The following TFDP2 variants were observed in gnomAD, a reference collection of about 807,000 sequenced individuals.
TFDP2 encodes the protein transcription factor Dp-2.
A neutral mutation model predicts 59.3 loss-of-function variants in TFDP2; 17 were observed. The observed-to-expected ratio is 0.29, with a 90% CI of 0.20 to 0.43. The LOEUF is 0.43. TFDP2 is among the 20% of genes least tolerant of loss of function. TFDP2 has a pLI of 1.00. For missense variants in TFDP2, 391 were observed against 528.8 expected (o/e 0.74, Z 2.56); for synonymous variants, 180 against 194.7 (o/e 0.92, Z 0.63).
At chr3:142,033,103 G>A (rs1032270484) in intron 3 of TFDP2, among the ~76,000 whole-genome samples, 1 of 152,136 alleles carries the variant, frequency 6.6e-6, no homozygotes, top group Non-Finnish European at 1.5e-5. Context: ...CCTGAGGCAG[G>A]AGAATCACTT....
At chr3:142,074,271 T>C (rs1253254743) in intron 3 of TFDP2, among the ~76,000 whole-genome samples, 2 of 151,942 alleles carry the variant, frequency 1.3e-5, no homozygotes, top group Admixed American at 6.6e-5. Flanking sequence ...TAGCCAGGCA[T>C]GGTGGCACAC....
chr3:142,046,870 G>C (rs1947367227), intron 3 of TFDP2, among the ~76,000 whole-genome samples: 2 of 152,196 alleles, frequency 1.3e-5, no homozygotes, highest in South Asian at 4.2e-4. Flanking sequence ...CCACCAGCTA[G>C]CTATCATCTA....
chr3:142,004,159 C>G (rs753930466), intron 4 of TFDP2, among the ~76,000 whole-genome samples: 12 of 152,104 alleles, frequency 7.9e-5, no homozygotes, highest in African/African-American at 1.2e-4. Context: ...GAGCTTAAAT[C>G]TCTATGAGGT....
At chr3:142,014,621 T>C (rs1046859881) in intron 3 of TFDP2, among the ~76,000 whole-genome samples, 2 of 152,108 alleles carry the variant, frequency 1.3e-5, no homozygotes, top group Non-Finnish European at 2.9e-5. Context: ...GATTACACCA[T>C]CTTCTTGCTT....
intron 11 of TFDP2, among the ~76,000 whole-genome samples, chr3:141,957,263 A>C (rs1286070551): frequency 6.6e-6 from 1 of 152,162 alleles, no homozygotes; most frequent in African/African-American, 2.4e-5. Flanking sequence ...GGTTGCAGTG[A>C]GCCAAATTAC....
At chr3:142,017,341 G>A (rs549407244) in intron 3 of TFDP2, among the ~76,000 whole-genome samples, 1 of 152,036 alleles carries the variant, frequency 6.6e-6, no homozygotes, top group African/African-American at 2.4e-5. Flanking sequence ...AATATTTGTT[G>A]GATGAATAAA....
intron 3 of TFDP2, among the ~76,000 whole-genome samples, chr3:142,048,282 G>A (rs891973178): frequency 6.6e-6 from 1 of 151,946 alleles, no homozygotes; most frequent in African/African-American, 2.4e-5. Context: ...GGGCATGGTG[G>A]CATGTACCTA....
intron 3 of TFDP2, among the ~76,000 whole-genome samples, chr3:142,043,069 C>A (rs536956908): frequency 7.1e-6 from 1 of 140,854 alleles, no homozygotes; most frequent in East Asian, 2.2e-4. Context: ...TTTTTTGAGA[C>A]GGAGTCTCGC....
chr3:142,122,039 G>A (rs1168378450), intron 1 of TFDP2, among the ~76,000 whole-genome samples: 1 of 151,810 alleles, frequency 6.6e-6, no homozygotes, highest in Admixed American at 6.6e-5. Flanking sequence ...ACACTATGAG[G>A]ATTCTCTTAA....
chr3:142,013,192 G>C (rs1944859320), intron 3 of TFDP2, among the ~76,000 whole-genome samples: 1 of 151,900 alleles, frequency 6.6e-6, no homozygotes, highest in Non-Finnish European at 1.5e-5. Flanking sequence ...AAAAGAGAGA[G>C]AGAATGAATC....
At chr3:142,141,560 T>A (rs1190201221) in intron 1 of TFDP2, among the ~76,000 whole-genome samples, 2 of 152,152 alleles carry the variant, frequency 1.3e-5, no homozygotes, top group Admixed American at 6.5e-5. Context: ...TGTGGTGGGT[T>A]AAGTTTGTAA....
At chr3:142,044,881 A>T (rs78703617) in intron 3 of TFDP2, among the ~76,000 whole-genome samples, 2 of 152,108 alleles carry the variant, frequency 1.3e-5, no homozygotes, top group South Asian at 2.1e-4. Flanking sequence ...CCATTTACTT[A>T]GATTTAATTA....
chr3:142,027,537 TAA>T (rs936908246), intron 3 of TFDP2, among the ~76,000 whole-genome samples: 3 of 150,780 alleles, frequency 2.0e-5, no homozygotes, highest in Admixed American at 2.0e-4. Flanking sequence ...CTAAGTTCCT[TAA>T]AACTTTTTTA....
chr3:142,138,215 G>A (rs1485432595), intron 1 of TFDP2, among the ~76,000 whole-genome samples: 2 of 152,098 alleles, frequency 1.3e-5, no homozygotes, highest in Non-Finnish European at 2.9e-5. Context: ...GGGATTGGTG[G>A]TGATATCCCC....
chr3:142,123,174 G>T (rs563116583), intron 1 of TFDP2, among the ~76,000 whole-genome samples: 93 of 152,232 alleles, frequency 6.1e-4, no homozygotes, highest in Non-Finnish European at 1.2e-3. Flanking sequence ...TCTGACCGAC[G>T]CCCAGGCTGG....
intron 8 of TFDP2, among the ~76,000 whole-genome samples, chr3:141,973,102 TATATATATATATATATATATA>T: frequency 1.0e-5 from 1 of 98,308 alleles, no homozygotes; most frequent in East Asian, 2.6e-4. Context: ...TGTATATATA[TATATATATATATATATATATA>T]TTTTTTTTTT....
intron 6 of TFDP2, among the ~76,000 whole-genome samples, chr3:141,980,893 T>C (rs2108078485): frequency 6.6e-6 from 1 of 152,330 alleles, no homozygotes; most frequent in East Asian, 1.9e-4. Flanking sequence ...TTTGAGAACA[T>C]TAAAAAGTTT....
intron 3 of TFDP2, among the ~76,000 whole-genome samples, chr3:142,029,689 G>T (rs981613140): frequency 6.6e-6 from 1 of 152,080 alleles, no homozygotes; most frequent in Non-Finnish European, 1.5e-5. Context: ...AAGCAACTGA[G>T]ATAAAATTTT....
chr3:141,970,266 A>ATTTGTCTTTATTC, intron 8 of TFDP2, 125 bp from the exon 9 acceptor site: 1 of 793,456 alleles, frequency 1.3e-6, no homozygotes, highest in Non-Finnish European at 2.1e-6. Flanking sequence ...TAACAATATG[A>ATTTGTCTTTATTC]ATAAAGACAA....
Sources: gnomAD v4.1 joint callset for allele counts (sites outside exome capture counted in the v4.1 genomes callset) on GRCh38, gnomAD v4.1.1 for gene constraint, MANE v1.5 for transcripts, NCBI Gene and HGNC (gene_info 2026-07-23, HGNC 2026-07-21) for gene names.